The following RBFOX3 variants were observed in gnomAD, a reference collection of about 807,000 sequenced individuals.
RBFOX3 encodes RNA binding protein fox-1 homolog 3.
In RBFOX3, 17 loss-of-function variants were observed where a neutral mutation model predicts 48.7. The ratio of observed to expected loss-of-function variants is 0.35; its 90% CI spans 0.24 to 0.52. The LOEUF is 0.52. RBFOX3 is among the 20% of genes least tolerant of loss of function. The probability of loss-of-function intolerance (pLI) is 0.94; values close to 1 mark genes in which losing one functional copy is unlikely to be tolerated. For synonymous variants in RBFOX3, 212 were observed against 209.5 expected (o/e 1.01, Z -0.10); for missense variants, 382 against 497.5 (o/e 0.77, Z 2.21).
chr17:79,521,281 T>C (rs924364363), intron 1 of RBFOX3, among the ~76,000 whole-genome samples: 1 of 125,330 alleles, frequency 8.0e-6, no homozygotes. Context: ...CACAGACACA[T>C]GCACAGACAC....
At chr17:79,150,687 TCTC>T (rs1454224814) in intron 4 of RBFOX3, among the ~76,000 whole-genome samples, 3 of 151,880 alleles carry the variant, frequency 2.0e-5, no homozygotes, top group Admixed American at 1.3e-4. Flanking sequence ...TCACCTCCCA[TCTC>T]CTCCTTTCCC....
At chr17:79,310,000 G>A (rs181098702) in intron 2 of RBFOX3, among the ~76,000 whole-genome samples, 7 of 152,264 alleles carry the variant, frequency 4.6e-5, no homozygotes, top group South Asian at 2.1e-4. Context: ...TGTGCACAAC[G>A]CCCTAAAACG....
chr17:79,454,344 G>T (rs1246054611), intron 2 of RBFOX3, among the ~76,000 whole-genome samples: 1 of 152,076 alleles, frequency 6.6e-6, no homozygotes, highest in African/African-American at 2.4e-5. Context: ...CCTGCCCCAG[G>T]GCCAGGTGGC....
intron 1 of RBFOX3, among the ~76,000 whole-genome samples, chr17:79,508,426 G>A (rs925185940): frequency 1.8e-4 from 27 of 152,262 alleles, no homozygotes; most frequent in African/African-American, 5.5e-4. Context: ...CTGGGCCGCC[G>A]CCCACCGCCT....
At chr17:79,556,923 C>T (rs36158538) in intron 1 of RBFOX3, among the ~76,000 whole-genome samples, 75,905 of 151,884 alleles carry the variant, frequency 0.5, 20,887 homozygotes, top group South Asian at 0.66. Context: ...CCACGTCTGT[C>T]TCCATGGTCC....
intron 4 of RBFOX3, chr17:79,135,156 T>C (rs915486010): frequency 6.6e-6 from 1 of 152,296 alleles, no homozygotes; most frequent in Non-Finnish European, 1.5e-5. Context: ...CACCTGTCTG[T>C]ACCTCTGAGC....
At chr17:79,202,829 T>G (rs1054331805) in intron 4 of RBFOX3, among the ~76,000 whole-genome samples, 1 of 152,354 alleles carries the variant, frequency 6.6e-6, no homozygotes, top group Admixed American at 6.5e-5. Flanking sequence ...CTATCATGCC[T>G]GGTGGTGAAA....
At chr17:79,292,465 C>A (rs543613524) in intron 3 of RBFOX3, among the ~76,000 whole-genome samples, 1 of 152,018 alleles carries the variant, frequency 6.6e-6, no homozygotes, top group East Asian at 1.9e-4. Context: ...AGCATGTCCC[C>A]GGCACATGGA....
intron 1 of RBFOX3, chr17:79,600,179 T>A (rs2093672014): frequency 6.6e-6 from 1 of 152,192 alleles, no homozygotes; most frequent in Non-Finnish European, 1.5e-5. Context: ...CCAGTACCAA[T>A]ACATGACACA....
the RBFOX3 span, among the ~76,000 whole-genome samples, chr17:79,658,726 C>T: frequency 2.6e-5 from 4 of 152,120 alleles, no homozygotes; most frequent in Non-Finnish European, 1.5e-5. Context: ...CCGAGTGCTG[C>T]ACTGTCATCG....
At chr17:79,382,377 A>G (rs2060031794) in intron 2 of RBFOX3, among the ~76,000 whole-genome samples, 1 of 152,202 alleles carries the variant, frequency 6.6e-6, no homozygotes, top group South Asian at 2.1e-4. Flanking sequence ...TGTCCCACCA[A>G]CTGCGTTACC....
chr17:79,429,092 C>T (rs565286547), intron 2 of RBFOX3, among the ~76,000 whole-genome samples: 1 of 152,368 alleles, frequency 6.6e-6, no homozygotes, highest in East Asian at 1.9e-4. Flanking sequence ...CCAACAACAC[C>T]TCTGCCAAAG....
chr17:79,269,490 T>G (rs1023336777), intron 3 of RBFOX3, among the ~76,000 whole-genome samples: 1 of 152,152 alleles, frequency 6.6e-6, no homozygotes, highest in Non-Finnish European at 1.5e-5. Flanking sequence ...CTCTGAGAGC[T>G]GTGGGAAAAA....
chr17:79,322,963 G>A (rs1224157539), intron 2 of RBFOX3, among the ~76,000 whole-genome samples: 1 of 152,240 alleles, frequency 6.6e-6, no homozygotes, highest in Admixed American at 6.5e-5. Flanking sequence ...CTGGCCCTGA[G>A]CTCACTTGTC....
intron 4 of RBFOX3, among the ~76,000 whole-genome samples, chr17:79,165,013 C>G (rs1390483965): frequency 6.6e-6 from 1 of 152,208 alleles, no homozygotes; most frequent in African/African-American, 2.4e-5. Flanking sequence ...GCTCATCTTT[C>G]TAGAGCCAGG....
intron 4 of RBFOX3, among the ~76,000 whole-genome samples, chr17:79,219,706 G>A (rs926797757): frequency 2.6e-5 from 4 of 152,116 alleles, no homozygotes; most frequent in East Asian, 1.9e-4. Flanking sequence ...TCAGAGCTCC[G>A]GGGAGGTCGG....
In RBFOX3 at chr17:79,135,831, C is replaced by T. The variant is rs573241133; in HGVS notation, c.-33-20083G>A. The stretch of plus-strand genomic sequence containing the variant: ...TAGATGCTTCAGGCTGGGGGACACA[C>T]GAGGTCACAGAGTCCCTCCCTAAGA... On this transcript the variant is annotated intron_variant, in intron 4 of 14. Coordinates refer to ENST00000693108, the MANE Select transcript of RBFOX3 (RefSeq NM_001350451.2). 2.0e-4 allele frequency among the ~76,000 whole-genome samples: 31 copies of T among 152,312 alleles called. No homozygotes were observed. In the East Asian group the frequency reaches 3.9e-3, roughly 19 times the overall value.
intron 1 of RBFOX3, chr17:79,601,520 T>C (rs2093705083): frequency 6.6e-6 from 1 of 152,236 alleles, no homozygotes; most frequent in Non-Finnish European, 1.5e-5. Context: ...GTGAACATTA[T>C]AGTTATGATT....
rs1227562251 is a variant in RBFOX3, at chr17:79,097,360, G to A, written c.687C>T (p.Gly229=). 1.9e-6 allele frequency: 3 copies of A among 1,548,712 alleles called. No homozygotes were observed. The highest frequency in any genetic ancestry group is 2.6e-6 in the Non-Finnish European group (3 of 1,146,248). ...ATGTATTATACACGGCCCGGCCCCG[G>A]CCCCGAAGATGTGCGCCCCGGTAGG... ...AVAYRGAHLR[G]RGRAVYNTFR... The change falls in exon 11 of 15, where the codon GGC becomes GGT. Residue 229 remains glycine (G), a synonymous_variant. Coordinates refer to ENST00000693108, the MANE Select transcript of RBFOX3 (RefSeq NM_001350451.2).
Sources: allele counts gnomAD v4.1 joint callset (sites outside exome capture counted in the v4.1 genomes callset), GRCh38; gene constraint gnomAD v4.1.1; transcripts MANE v1.5; gene names NCBI Gene and HGNC (gene_info 2026-07-23, HGNC 2026-07-21).